The following TMC1 variants were observed in gnomAD, a reference collection of about 807,000 sequenced individuals.
The protein encoded by TMC1 is transmembrane channel like 1, also known as transmembrane channel-like protein 1.
TMC1 carries 84 observed loss-of-function variants against 105.8 expected under a neutral mutation model. That is an observed-to-expected ratio of 0.79 (90% CI 0.67 to 0.95). The LOEUF is 0.95. Ranked by LOEUF, TMC1 falls within the 40% of genes least tolerant of loss-of-function variation. The probability of loss-of-function intolerance (pLI) is 0.00; values close to 1 mark genes in which losing one functional copy is unlikely to be tolerated. For synonymous variants in TMC1, 315 were observed against 311.5 expected (o/e 1.01, Z -0.12); for missense variants, 817 against 914.1 (o/e 0.89, Z 1.37).
intron 8 of TMC1, among the ~76,000 whole-genome samples, chr9:72,717,356 T>G (rs564608176): frequency 6.6e-6 from 1 of 152,298 alleles, no homozygotes; most frequent in Non-Finnish European, 1.5e-5. Flanking sequence ...AATACCTTGG[T>G]TTTTTATTTA....
intron 5 of TMC1, among the ~76,000 whole-genome samples, chr9:72,679,828 C>T (rs1164802046): frequency 6.6e-6 from 1 of 152,024 alleles, no homozygotes; most frequent in Non-Finnish European, 1.5e-5. Context: ...GAAATTTTCC[C>T]TGATCCTTTC....
At chr9:72,680,372 TAGAATTC>T (rs1826266593) in intron 5 of TMC1, among the ~76,000 whole-genome samples, 1 of 152,128 alleles carries the variant, frequency 6.6e-6, no homozygotes, top group South Asian at 2.1e-4. Flanking sequence ...TGAGAATAAC[TAGAATTC>T]AGAATTCTTT....
chr9:72,682,042 C>T (rs1221808567), intron 5 of TMC1, among the ~76,000 whole-genome samples: 1 of 152,008 alleles, frequency 6.6e-6, no homozygotes, highest in Middle Eastern at 3.2e-3. Flanking sequence ...TTGCCTGCCT[C>T]CCTCTTTTGG....
chr9:72,571,442 C>CTTTTTTT (rs35382914), intron 1 of TMC1, among the ~76,000 whole-genome samples: 3 of 139,092 alleles, frequency 2.2e-5, no homozygotes, highest in Non-Finnish European at 4.6e-5. Context: ...CAACCTCACG[C>CTTTTTTT]TTTTTTTTTT....
chr9:72,685,541 TG>T (rs1182726602), intron 5 of TMC1, among the ~76,000 whole-genome samples: 1 of 151,940 alleles, frequency 6.6e-6, no homozygotes, highest in African/African-American at 2.4e-5. Flanking sequence ...TTTTTGTGTT[TG>T]TAGTAGAGGC....
At position 72,557,142 on chromosome 9, in the gene TMC1, G is replaced by A. The variant is rs145123909; in HGVS notation, c.-427-20760G>A. On this transcript the variant is annotated intron_variant, in intron 1 of 23. Transcript: ENST00000297784. ...TCCCAGCACTTTGGGAGGCTGAGGC[G>A]AGTGGATCACCTGAGGCCAGTAGCT... Among the ~76,000 whole-genome samples, 691 of 152,284 alleles carry A rather than the reference G, an allele frequency of 4.5e-3. 6 individuals carry two copies. Among genetic ancestry groups the A allele is most frequent in the African/African-American group, 0.016 (660 of 41,554 alleles).
At chr9:72,574,356 C>T (rs962661795) in intron 1 of TMC1, among the ~76,000 whole-genome samples, 5 of 152,152 alleles carry the variant, frequency 3.3e-5, no homozygotes, top group Non-Finnish European at 7.4e-5. Flanking sequence ...CTTGGCTGCT[C>T]CAGCATGGGT....
chr9:72,705,299 A>G (rs1186391561), intron 8 of TMC1, among the ~76,000 whole-genome samples: 1 of 152,166 alleles, frequency 6.6e-6, no homozygotes, highest in Non-Finnish European at 1.5e-5. Context: ...ATAAGCAACC[A>G]CCTTATTTTG....
At chr9:72,630,927 G>A (rs926896464) in intron 4 of TMC1, among the ~76,000 whole-genome samples, 3 of 150,644 alleles carry the variant, frequency 2.0e-5, no homozygotes, top group African/African-American at 7.3e-5. Context: ...GGAGTGCAGT[G>A]GAACGATCTT....
intron 3 of TMC1, among the ~76,000 whole-genome samples, chr9:72,623,147 GTT>G (rs1162181237): frequency 0.22 from 24,991 of 113,472 alleles, 2,601 homozygotes; most frequent in East Asian, 0.35. Context: ...CTCTCTCCCT[GTT>G]TTTTTTTTTT....
intron 1 of TMC1, among the ~76,000 whole-genome samples, chr9:72,524,196 C>A (rs1016586358): frequency 3.9e-5 from 6 of 151,998 alleles, no homozygotes; most frequent in Non-Finnish European, 5.9e-5. Flanking sequence ...TAGAATGGGG[C>A]ACTTAAAAAG....
intron 3 of TMC1, among the ~76,000 whole-genome samples, chr9:72,618,366 G>A (rs1587992524): frequency 1.3e-5 from 2 of 152,008 alleles, no homozygotes; most frequent in East Asian, 1.9e-4. Flanking sequence ...AGCCAAGTTA[G>A]TATTTTCCAT....
chr9:72,574,815 A>G (rs1268944601), intron 1 of TMC1, among the ~76,000 whole-genome samples: 3 of 152,194 alleles, frequency 2.0e-5, no homozygotes, highest in Non-Finnish European at 2.9e-5. Context: ...TAGTCCCCAC[A>G]TACGCTGCTG....
chr9:72,652,022 C>A (rs1257085285), intron 5 of TMC1, among the ~76,000 whole-genome samples: 1 of 152,104 alleles, frequency 6.6e-6, no homozygotes, highest in Non-Finnish European at 1.5e-5. Context: ...TTTTCCACTC[C>A]CGAGTTGCTT....
At chr9:72,761,694 G>A (rs1284743174) in intron 12 of TMC1, among the ~76,000 whole-genome samples, 4 of 152,158 alleles carry the variant, frequency 2.6e-5, no homozygotes, top group African/African-American at 9.7e-5. Context: ...AAAGGAGACA[G>A]GTTAGACACA....
intron 1 of TMC1, among the ~76,000 whole-genome samples, chr9:72,543,162 C>A (rs1823706750): frequency 1.3e-5 from 2 of 152,136 alleles, no homozygotes; most frequent in Admixed American, 6.5e-5. Context: ...CAACTAGTTT[C>A]TCTCCCATCT....
intron 12 of TMC1, among the ~76,000 whole-genome samples, chr9:72,756,228 A>G (rs542373539): frequency 6.6e-6 from 1 of 152,322 alleles, no homozygotes; most frequent in African/African-American, 2.4e-5. Flanking sequence ...GATGAATGTG[A>G]CATGATTCTT....
intron 4 of TMC1, among the ~76,000 whole-genome samples, chr9:72,639,335 T>C (rs913139743): frequency 1.3e-5 from 2 of 152,166 alleles, no homozygotes; most frequent in African/African-American, 4.8e-5. Context: ...CTTAAGAAAG[T>C]AGATTTCATA....
chr9:72,751,133 A>G (rs1827574064), intron 10 of TMC1, among the ~76,000 whole-genome samples: 1 of 152,170 alleles, frequency 6.6e-6, no homozygotes, highest in South Asian at 2.1e-4. Context: ...CTATGTCTGT[A>G]TCTCTATCTC....
Sources: gnomAD v4.1 joint callset for allele counts (sites outside exome capture counted in the v4.1 genomes callset) on GRCh38, gnomAD v4.1.1 for gene constraint, MANE v1.5 for transcripts, NCBI Gene and HGNC (gene_info 2026-07-23, HGNC 2026-07-21) for gene names.